The following DHRS4L2 variants were observed in gnomAD, a reference collection of about 807,000 sequenced individuals.
DHRS4L2 encodes dehydrogenase/reductase 4 like 2, also known as dehydrogenase/reductase SDR family member 4-like 2.
Under a neutral mutation model 23.9 loss-of-function variants are expected in DHRS4L2, and 22 were observed. That is an observed-to-expected ratio of 0.92 (90% confidence interval 0.66 to 1.31). The LOEUF is 1.31. Ranked by LOEUF, DHRS4L2 falls within the 40% of genes most tolerant of loss-of-function variation. The pLI, the probability that DHRS4L2 is intolerant of heterozygous loss-of-function variation, is 0.00. For missense variants in DHRS4L2, 385 were observed against 303.3 expected, an observed-to-expected ratio of 1.27 and a Z score of -2.00; for synonymous variants, 141 against 123.7, an observed-to-expected ratio of 1.14 and a Z score of -0.93.
intron 1 of DHRS4L2, 104 bp downstream of exon 1, chr14:23,989,179 G>A: frequency 2.0e-6 from 3 of 1,494,894 alleles, no homozygotes; most frequent in East Asian, 2.5e-5. Flanking sequence ...CTCACATACC[G>A]CCAAAGTCTG....
At chr14:23,998,254 G>A (rs2034421942) in intron 3 of DHRS4L2, among the ~76,000 whole-genome samples, 1 of 152,016 alleles carries the variant, frequency 6.6e-6, no homozygotes, top group Admixed American at 6.5e-5. Context: ...CACAGGCAGA[G>A]TAGATTTAGC....
chr14:23,990,428 G>A, intron 2 of DHRS4L2, 69 bp downstream of exon 2: 2 of 1,521,806 alleles, frequency 1.3e-6, no homozygotes, highest in Non-Finnish European at 1.8e-6. Flanking sequence ...CTCCTTCCCT[G>A]CTTTCCTAGA....
chr14:23,981,001 AAG>A (rs2034041406), intron 1 of DHRS4L2, among the ~76,000 whole-genome samples: 1 of 151,750 alleles, frequency 6.6e-6, no homozygotes, highest in Non-Finnish European at 1.5e-5. Flanking sequence ...CAATTAGGAA[AAG>A]AGGAAGTCAA....
At chr14:23,994,711 A>T (rs1030182560) in intron 2 of DHRS4L2, among the ~76,000 whole-genome samples, 3 of 151,812 alleles carry the variant, frequency 2.0e-5, no homozygotes, top group Non-Finnish European at 2.9e-5. Flanking sequence ...CCAACCTTAA[A>T]TGGTTAGCGG....
intron 1 of DHRS4L2, among the ~76,000 whole-genome samples, chr14:23,971,717 C>T (rs897163650): frequency 6.6e-6 from 1 of 152,010 alleles, no homozygotes; most frequent in African/African-American, 2.4e-5. Flanking sequence ...AATTTCATAT[C>T]CAGCCAAACT....
At chr14:23,969,949 G>C (rs560012793) in exon 1 of DHRS4L2, 6 of 452,912 alleles carry the variant, frequency 1.3e-5, no homozygotes, top group South Asian at 7.8e-5. Context: ...GGGCGCTCAC[G>C]CAACCGCCAC....
chr14:23,984,441 T>C (rs1028448835), upstream of DHRS4L2, among the ~76,000 whole-genome samples: 10 of 151,736 alleles, frequency 6.6e-5, no homozygotes, highest in African/African-American at 2.4e-4. Context: ...AAATGAAGTG[T>C]AGCTATACAA....
At chr14:23,994,778 AATAG>A (rs1164269749) in intron 2 of DHRS4L2, among the ~76,000 whole-genome samples, 6 of 150,512 alleles carry the variant, frequency 4.0e-5, no homozygotes, top group Admixed American at 4.0e-4. Context: ...TTATTTTGAC[AATAG>A]TTCTTAAGAA....
At chr14:23,977,774 A>G (rs982155182) in intron 1 of DHRS4L2, among the ~76,000 whole-genome samples, 1 of 151,630 alleles carries the variant, frequency 6.6e-6, no homozygotes, top group Non-Finnish European at 1.5e-5. Context: ...CTTGTTGTAT[A>G]TTAATTTCCC....
chr14:23,983,915 G>T (rs1566490141), upstream of DHRS4L2, among the ~76,000 whole-genome samples: 1 of 151,502 alleles, frequency 6.6e-6, no homozygotes, highest in Non-Finnish European at 1.5e-5. Flanking sequence ...ATAGCATTAG[G>T]AGAAATACTT....
At chr14:23,995,613 A>G (rs1341091267) in intron 3 of DHRS4L2, among the ~76,000 whole-genome samples, 2 of 151,888 alleles carry the variant, frequency 1.3e-5, no homozygotes, top group South Asian at 2.1e-4. Context: ...TCCTTTAAAA[A>G]AATAAAATAA....
chr14:23,972,343 C>G (rs374309796), intron 1 of DHRS4L2, among the ~76,000 whole-genome samples: 1 of 151,778 alleles, frequency 6.6e-6, no homozygotes, highest in Admixed American at 6.6e-5. Flanking sequence ...GCTCTTAAGG[C>G]AGCATGTCTG....
At chr14:23,995,998 C>A (rs2034376098) in intron 3 of DHRS4L2, among the ~76,000 whole-genome samples, 1 of 151,750 alleles carries the variant, frequency 6.6e-6, no homozygotes, top group Non-Finnish European at 1.5e-5. Flanking sequence ...GTGCCAGTAT[C>A]TGCTTCTGAT....
chr14:23,995,501 C>A (rs1245860077), intron 3 of DHRS4L2, among the ~76,000 whole-genome samples: 1 of 151,768 alleles, frequency 6.6e-6, no homozygotes, highest in Non-Finnish European at 1.5e-5. Context: ...TTTCAGCTGA[C>A]AAAAACTAAT....
upstream of DHRS4L2, chr14:23,988,900 T>A: frequency 6.2e-7 from 1 of 1,603,808 alleles, no homozygotes; most frequent in South Asian, 1.1e-5. Flanking sequence ...CGCCCTACTC[T>A]GTCACCTCCG....
At chr14:23,999,367 A>AAAAAAAAACAAAAC (rs1555330042) in intron 3 of DHRS4L2, among the ~76,000 whole-genome samples, 16 of 116,790 alleles carry the variant, frequency 1.4e-4, no homozygotes, top group Non-Finnish European at 2.1e-4. Flanking sequence ...AAAAAAAAAA[A>AAAAAAAAACAAAAC]AAAAAAACAA....
At position 23,977,010 on chromosome 14, in the gene DHRS4L2, G is replaced by A. The variant is rs374968670; in HGVS notation, c.-176+6678G>A. On this transcript the variant is annotated intron_variant, in intron 1 of 5. Coordinates refer to the DHRS4L2 transcript ENST00000534993. ...AGGAGAAATACCTAATGTAAATGAC[G>A]AGTTGATGGATCCAGCAAACCAACC... is the stretch of plus-strand genomic sequence containing the variant. 1.3e-3 allele frequency among the ~76,000 whole-genome samples: 198 copies of A among 151,834 alleles called. 5 individuals are homozygous for A. The South Asian group carries it at 0.041, about 31-fold the overall frequency.
intron 1 of DHRS4L2, among the ~76,000 whole-genome samples, chr14:23,977,336 G>T (rs368951105): frequency 6.6e-6 from 1 of 151,852 alleles, no homozygotes; most frequent in Admixed American, 6.5e-5. Flanking sequence ...TGCTGAGCCA[G>T]CATTCTCAAT....
At chr14:23,970,686 C>T (rs1279090660) in intron 1 of DHRS4L2, among the ~76,000 whole-genome samples, 1 of 152,048 alleles carries the variant, frequency 6.6e-6, no homozygotes, top group Non-Finnish European at 1.5e-5. Flanking sequence ...CCCTGACCCC[C>T]ATGTAGCTTG....
Sources: gnomAD v4.1 joint callset for allele counts (sites outside exome capture counted in the v4.1 genomes callset) on GRCh38, gnomAD v4.1.1 for gene constraint, MANE v1.5 for transcripts, NCBI Gene and HGNC (gene_info 2026-07-23, HGNC 2026-07-21) for gene names.